Variants in EML4 observed in about 807,000 individuals in gnomAD.
EML4 encodes the protein EMAP like 4.
A neutral mutation model predicts 129.0 loss-of-function variants in EML4; 72 were observed. The ratio of observed to expected loss-of-function variants is 0.56; its 90% CI spans 0.46 to 0.68. The LOEUF (loss-of-function observed/expected upper bound fraction) is 0.68, where lower values mean the gene tolerates loss of function less well. Among genes scored for constraint, EML4 ranks in the 30% least tolerant of loss-of-function variants. EML4 has a pLI of 0.00. For synonymous variants in EML4, 532 were observed against 405.0 expected, an observed-to-expected ratio of 1.31 and a Z score of -3.77; for missense variants, 1,363 against 1,190.6, an observed-to-expected ratio of 1.14 and a Z score of -2.13.
intron 10 of EML4, among the ~76,000 whole-genome samples, chr2:42,287,185 G>T (rs978056695): frequency 6.6e-6 from 1 of 152,140 alleles, no homozygotes; most frequent in African/African-American, 2.4e-5. Flanking sequence ...ATGGAGGAAA[G>T]GACACTTTTA....
At chr2:42,170,935 A>G (rs1162847701) in intron 1 of EML4, among the ~76,000 whole-genome samples, 1 of 152,264 alleles carries the variant, frequency 6.6e-6, no homozygotes, top group Non-Finnish European at 1.5e-5. Flanking sequence ...TATTATAGAT[A>G]TTAAATAGTA....
chr2:42,292,725 T>C (rs954048476), intron 11 of EML4, among the ~76,000 whole-genome samples: 16 of 152,138 alleles, frequency 1.1e-4, no homozygotes, highest in Non-Finnish European at 1.6e-4. Context: ...TATTGAGCTA[T>C]GTACTTAAAA....
rs756103234 is a variant in EML4 at position 42,330,999 on chromosome 2, T to C, written c.*792T>C. 17 of 211,398 alleles carry C rather than the reference T, an allele frequency of 8.0e-5. No individual in the cohort carries two copies. Among genetic ancestry groups the C allele is most frequent in the Non-Finnish European group, 1.2e-4 (13 of 104,016 alleles). 13.1% of individuals were successfully genotyped at this position (211,398 alleles called of 1,614,324 possible). A position where few individuals can be genotyped will look rare whatever the true frequency, so the allele number is the denominator to read the frequency against. ...AAGGAGTCCTTTACTAGCCTAAACA[T>C]TCTCAAATGTTTGAGATTCAAGTGA... On this transcript the variant is annotated 3_prime_UTR_variant, in exon 23 of 23. Transcript: ENST00000318522.
In EML4 at chr2:42,318,384, A is replaced by C. The variant is rs185055015; in HGVS notation, c.2154+860A>C. Among the ~76,000 whole-genome samples, 473 of 152,308 alleles carry C rather than the reference A, an allele frequency of 3.1e-3. 2 individuals are homozygous for C. The highest frequency in any genetic ancestry group is 0.011 in the African/African-American group (458 of 41,572). On this transcript the variant is annotated intron_variant, in intron 19 of 22. Coordinates refer to ENST00000318522, the MANE Select transcript of EML4 (RefSeq NM_019063.5). ...GAAATTTATTTTGCTTATTATATTTAAGCAAAAACTAGGCCATGTACTATT... is the reference window on the plus strand; with the variant it reads ...GAAATTTATTTTGCTTATTATATTTCAGCAAAAACTAGGCCATGTACTATT...
At chr2:42,194,078 C>G (rs185612995) in intron 1 of EML4, among the ~76,000 whole-genome samples, 1 of 152,016 alleles carries the variant, frequency 6.6e-6, no homozygotes, top group Non-Finnish European at 1.5e-5. Flanking sequence ...CATGTTTGCT[C>G]ATTTTAAATT....
chr2:42,195,639 A>G (rs1413541207), intron 1 of EML4, among the ~76,000 whole-genome samples: 3 of 152,244 alleles, frequency 2.0e-5, no homozygotes, highest in Admixed American at 6.5e-5. Context: ...AGCATTAAAC[A>G]TGAGTTATCT....
rs973785350 is a variant in EML4 at position 42,260,997 on chromosome 2, CAG to C, written c.339-123_339-122del. 6 of 663,088 alleles carry C rather than the reference CAG, an allele frequency of 9.0e-6. No individual in the cohort carries two copies. In the African/African-American group the frequency reaches 1.1e-4, roughly 12 times the overall value. 41.1% of individuals were successfully genotyped at this position (663,088 alleles called of 1,614,324 possible). ...AAATATTGTCCTTATTGAATGAAAA[CAG>C]TGCAAATTGTATTAGCTGTATGACT... On this transcript the variant is annotated intron_variant, in intron 3 of 22. Coordinates refer to ENST00000318522, the MANE Select transcript of EML4 (RefSeq NM_019063.5).
chr2:42,217,781 A>G (rs1031877175), intron 1 of EML4, among the ~76,000 whole-genome samples: 1 of 152,208 alleles, frequency 6.6e-6, no homozygotes, highest in East Asian at 1.9e-4. Flanking sequence ...AGATCTGTCA[A>G]CCAATATTAT....
intron 17 of EML4, among the ~76,000 whole-genome samples, chr2:42,307,365 T>A (rs984988585): frequency 2.6e-5 from 4 of 152,260 alleles, no homozygotes; most frequent in Non-Finnish European, 5.9e-5. Flanking sequence ...AGTGATGTGA[T>A]AACTAAATTG....
intron 9 of EML4, among the ~76,000 whole-genome samples, chr2:42,285,029 T>C (rs562721889): frequency 6.6e-6 from 1 of 152,040 alleles, no homozygotes; most frequent in Admixed American, 6.6e-5. Context: ...TACTGCAGTT[T>C]CCCTTAGTTG....
At chr2:42,329,539 G>A (rs569712096) in intron 22 of EML4, among the ~76,000 whole-genome samples, 195 bp from the exon 23 acceptor site, 1 of 151,910 alleles carries the variant, frequency 6.6e-6, no homozygotes, top group Non-Finnish European at 1.5e-5. Context: ...CTTCTGTTTC[G>A]TTTTTCCTAT....
intron 6 of EML4, among the ~76,000 whole-genome samples, chr2:42,267,442 T>C (rs551362185): frequency 4.9e-4 from 74 of 152,346 alleles, no homozygotes; most frequent in African/African-American, 1.7e-3. Flanking sequence ...TTTTAAAATA[T>C]GACATTAATT....
intron 1 of EML4, among the ~76,000 whole-genome samples, chr2:42,184,203 G>T (rs932225163): frequency 6.6e-6 from 1 of 151,828 alleles, no homozygotes; most frequent in Non-Finnish European, 1.5e-5. Context: ...ATGGCCACCA[G>T]GTTATTCATT....
At chr2:42,219,926 A>T (rs896171354) in intron 1 of EML4, among the ~76,000 whole-genome samples, 1 of 24,034 alleles carries the variant, frequency 4.2e-5, no homozygotes, top group African/African-American at 2.1e-4. Flanking sequence ...ACTCCATCTA[A>T]AAAAAAAAAA....
At chr2:42,229,941 C>A (rs1028384955) in intron 1 of EML4, among the ~76,000 whole-genome samples, 1 of 151,742 alleles carries the variant, frequency 6.6e-6, no homozygotes, top group African/African-American at 2.4e-5. Context: ...AGAAAAAAAC[C>A]ATAAAAAGGA....
rs142880562 is a variant in EML4, at chr2:42,218,446, G to A, written c.26-27059G>A. ...GTTTGAATGATCCCAGCCCTCCCCC[G>A]CTGCCCCTAGTCTGTGGAAACATTG... On this transcript the variant is annotated intron_variant, in intron 1 of 22. Coordinates refer to ENST00000318522, the MANE Select transcript of EML4 (RefSeq NM_019063.5). Among the ~76,000 whole-genome samples the A allele has an allele frequency of 5.3e-3, 810 of 152,052 alleles. 19 individuals are homozygous for A. The highest frequency in any genetic ancestry group is 0.033 in the Admixed American group (504 of 15,258).
rs577999092 is a variant in EML4, at chr2:42,170,651, A to G, written c.25+1015A>G. ...TGAAATCTAGTAAAAGATTAAGTTC[A>G]ACTGTTAGAATGGTGAGAGAAACAG... On this transcript the variant is annotated intron_variant, in intron 1 of 22. Coordinates refer to ENST00000318522, the MANE Select transcript of EML4 (RefSeq NM_019063.5). Among the ~76,000 whole-genome samples, 7 of 152,380 alleles carry G rather than the reference A, an allele frequency of 4.6e-5. No homozygotes were observed. In the South Asian group the frequency reaches 6.2e-4, roughly 14 times the overall value.
At chr2:42,202,722 C>G (rs1672304283) in intron 1 of EML4, among the ~76,000 whole-genome samples, 1 of 152,128 alleles carries the variant, frequency 6.6e-6, no homozygotes, top group Admixed American at 6.5e-5. Flanking sequence ...TAGATTGTGC[C>G]CACCCCGATT....
chr2:42,204,575 C>G (rs1672426898), intron 1 of EML4, among the ~76,000 whole-genome samples: 1 of 152,152 alleles, frequency 6.6e-6, no homozygotes, highest in Non-Finnish European at 1.5e-5. Flanking sequence ...GTTTATGTGT[C>G]TCGAATAGCT....
Sources: gnomAD v4.1 joint callset for allele counts (sites outside exome capture counted in the v4.1 genomes callset) on GRCh38, gnomAD v4.1.1 for gene constraint, MANE v1.5 for transcripts, NCBI Gene and HGNC (gene_info 2026-07-23, HGNC 2026-07-21) for gene names.